The following SDCBP2 variants were observed in gnomAD, a reference collection of about 807,000 sequenced individuals.
SDCBP2 encodes the protein syndecan binding protein 2, also known as syntenin-2.
Under a neutral mutation model 30.7 loss-of-function variants are expected in SDCBP2, and 28 were observed. That is an observed-to-expected ratio of 0.91 (90% CI 0.68 to 1.25). The LOEUF (loss-of-function observed/expected upper bound fraction) is 1.25, where lower values mean the gene tolerates loss of function less well. Ranked by LOEUF, SDCBP2 falls within the 50% of genes most tolerant of loss-of-function variation. The pLI, the probability that SDCBP2 is intolerant of heterozygous loss-of-function variation, is 0.00. For missense variants in SDCBP2, 399 were observed against 379.0 expected, an observed-to-expected ratio of 1.05 and a Z score of -0.44; for synonymous variants, 166 against 157.3, an observed-to-expected ratio of 1.06 and a Z score of -0.41.
rs2088893274 is a variant in SDCBP2 at position 1,324,549 on chromosome 20, C to G, written c.-19-4114G>C. 6.6e-6 allele frequency among the ~76,000 whole-genome samples: 1 copy of G among 152,154 alleles called. No individual in the cohort carries two copies. Among genetic ancestry groups the G allele is most frequent in the African/African-American group, 2.4e-5 (1 of 41,414 alleles). The stretch of plus-strand genomic sequence containing the variant: ...ACTTTCAGATATCCTGCCAAACTTT[C>G]AAGTAAGCCAAAAATCCGTTATAAT... On this transcript the variant is annotated intron_variant, in intron 1 of 8. Coordinates refer to ENST00000360779, the MANE Select transcript of SDCBP2 (RefSeq NM_080489.5). This position sits in a 1 kb window ranked among gnomAD's most constrained non-coding sequence, Gnocchi z 4.7.
chr20:1,314,295 C>G (rs2088735160), intron 4 of SDCBP2, among the ~76,000 whole-genome samples: 1 of 151,780 alleles, frequency 6.6e-6, no homozygotes, highest in Admixed American at 6.6e-5. Flanking sequence ...TCAAGACTAG[C>G]CTGGGCAACT....
Position 1,321,279 on chromosome 20 carries a change from CTG to C in SDCBP2, c.-19-846_-19-845del, listed in dbSNP as rs2088847374. On this transcript the variant is annotated intron_variant, in intron 1 of 8. Transcript: ENST00000360779. This position sits in a 1 kb window ranked among gnomAD's most constrained non-coding sequence, Gnocchi z 5.2. The stretch of plus-strand genomic sequence containing the variant: ...GAATGCCCGCTGGTGGCACAGGAAA[CTG>C]AGGGTCCTGTGCCTGAGCGATGTGA... 6.6e-6 allele frequency: 1 copy of C among 152,246 alleles called. No individual in the cohort carries two copies. Among genetic ancestry groups the C allele is most frequent in the African/African-American group, 2.4e-5 (1 of 41,426 alleles). The allele number at this position is 152,246 out of a possible 1,614,324, so 9.4% of individuals were successfully genotyped here.
intron 1 of SDCBP2, among the ~76,000 whole-genome samples, chr20:1,325,069 T>C (rs1279261851): frequency 6.6e-6 from 1 of 152,190 alleles, no homozygotes; most frequent in Non-Finnish European, 1.5e-5. Flanking sequence ...GTGCCTTCCC[T>C]CTGTCTCAAT....
At position 1,313,715 on chromosome 20, in the gene SDCBP2, A is replaced by G; in HGVS notation, c.226-217T>C. ...GTCCATGCCCTTAAAAAGCCAGGAA[A>G]ACGGGGAGGGAAGGGGCGAGGATAC... On this transcript the variant is annotated intron_variant, in intron 4 of 8. Transcript: ENST00000360779. The surrounding 1 kb of genome is among the most constrained non-coding windows in gnomAD (Gnocchi z 5.2). The G allele has an allele frequency of 7.8e-7, 1 of 1,281,928 alleles. No individual in the cohort carries two copies. The highest frequency in any genetic ancestry group is 1.0e-6 in the Non-Finnish European group (1 of 998,366). 79.4% of individuals were successfully genotyped at this position (1,281,928 alleles called of 1,614,324 possible).
rs1025384045 is a variant in SDCBP2 at position 1,324,787 on chromosome 20, T to C, written c.-20+4298A>G. On this transcript the variant is annotated intron_variant, in intron 1 of 8. Coordinates refer to ENST00000360779, the MANE Select transcript of SDCBP2 (RefSeq NM_080489.5). This position sits in a 1 kb window ranked among gnomAD's most constrained non-coding sequence, Gnocchi z 4.7. ...CTGTCACAGTGACTCCGCGCTTTTATATAAATATATTTAGCCTTTGACTCA... is the reference window on the plus strand; with the variant it reads ...CTGTCACAGTGACTCCGCGCTTTTACATAAATATATTTAGCCTTTGACTCA... Among the ~76,000 whole-genome samples the C allele has an allele frequency of 6.6e-6, 1 of 152,202 alleles. No homozygotes were observed. Among genetic ancestry groups the C allele is most frequent in the African/African-American group, 2.4e-5 (1 of 41,450 alleles).
chr20:1,324,508 G>A lies in SDCBP2; in HGVS notation c.-19-4073C>T, dbSNP rs2088892759. The A allele has an allele frequency of 6.6e-6, 1 of 152,068 alleles. No homozygotes were observed. Among genetic ancestry groups the A allele is most frequent in the Non-Finnish European group, 1.5e-5 (1 of 68,016 alleles). 9.4% of individuals were successfully genotyped at this position (152,068 alleles called of 1,614,324 possible). A position where few individuals can be genotyped will look rare whatever the true frequency, so the allele number is the denominator to read the frequency against. ...GTCCATTACAGTCACCATAACAAAT[G>A]GTCCTGTCCCGCACAACTTTCAGAT... On this transcript the variant is annotated intron_variant, in intron 1 of 8. Transcript: ENST00000360779. The surrounding 1 kb of genome is among the most constrained non-coding windows in gnomAD (Gnocchi z 4.7).
Position 1,312,616 on chromosome 20 carries a change from G to A in SDCBP2, c.531C>T (p.Gly177=), listed in dbSNP as rs751628959. ...CCCGAACCACCACGACAATCTTATC[G>A]CCTGATGCCTTCTTCACCACCTGAT... ...KAHQVVKKAS[G]DKIVVVVRDR... is the part of the protein sequence containing the mutation. Residue 177 remains glycine (G), a synonymous_variant, in exon 6 of 9, where the codon GGC becomes GGT. Coordinates refer to ENST00000360779, the MANE Select transcript of SDCBP2 (RefSeq NM_080489.5). 10 of 1,613,938 alleles carry A rather than the reference G, an allele frequency of 6.2e-6. No individual in the cohort carries two copies. The highest frequency in any genetic ancestry group is 3.3e-5 in the Admixed American group (2 of 60,000).
chr20:1,314,828 AAAC>A (rs2088752124), intron 4 of SDCBP2, among the ~76,000 whole-genome samples: 1 of 152,114 alleles, frequency 6.6e-6, no homozygotes, highest in African/African-American at 2.4e-5. Context: ...CGTATGCTGA[AAAC>A]AACAAAATAC....
In SDCBP2 at chr20:1,310,787, G is replaced by A. The variant is rs751424614; in HGVS notation, c.824+13C>T. Reference sequence around the variant, plus strand: ...GGAGGGGTGAGGAGGGGTGAGGAGGGGTGCAGCCTTACTTTTTGACCATGT... The same window carrying A: ...GGAGGGGTGAGGAGGGGTGAGGAGGAGTGCAGCCTTACTTTTTGACCATGT... On this transcript the variant is annotated intron_variant, in intron 8 of 8. Coordinates refer to ENST00000360779, the MANE Select transcript of SDCBP2 (RefSeq NM_080489.5). 8.1e-6 allele frequency: 13 copies of A among 1,605,584 alleles called. No individual in the cohort carries two copies. The highest frequency in any genetic ancestry group is 1.0e-5 in the Non-Finnish European group (12 of 1,173,384).
chr20:1,318,369 G>A lies in SDCBP2; in HGVS notation c.174C>T (p.Leu58=), dbSNP rs370144625. Residue 58 remains leucine (L), a synonymous_variant, in exon 4 of 9, where the codon CTC becomes CTT. Coordinates refer to ENST00000360779, the MANE Select transcript of SDCBP2 (RefSeq NM_080489.5). ...GGCTCTCCTGGACTTCTTGGCTGGA[G>A]AGGGAAAGACCCATATAATTTTCCA... ...AELENYMGLS[L]SSQEVQESLL... The A allele has an allele frequency of 2.2e-5, 35 of 1,613,364 alleles. No individual in the cohort carries two copies. The Middle Eastern group carries it at 4.9e-4, about 23-fold the overall frequency.
intron 1 of SDCBP2, among the ~76,000 whole-genome samples, chr20:1,327,035 C>T (rs953355718): frequency 1.3e-5 from 2 of 152,166 alleles, no homozygotes; most frequent in Non-Finnish European, 2.9e-5. Flanking sequence ...TGAAAGGCTG[C>T]CTGGCTCCTA....
At chr20:1,316,067 A>G (rs1343969114) in intron 4 of SDCBP2, among the ~76,000 whole-genome samples, 1 of 152,208 alleles carries the variant, frequency 6.6e-6, no homozygotes, top group Non-Finnish European at 1.5e-5. Context: ...GCACCACTGC[A>G]CTGCAGCCTG....
chr20:1,312,034 G>A (rs1001153702), intron 7 of SDCBP2, among the ~76,000 whole-genome samples: 2 of 151,872 alleles, frequency 1.3e-5, no homozygotes, highest in Non-Finnish European at 2.9e-5. Context: ...TGAGTAGCTA[G>A]GACTACAGGT....
intron 1 of SDCBP2, among the ~76,000 whole-genome samples, chr20:1,327,841 T>G (rs1190583136): frequency 6.6e-6 from 1 of 152,274 alleles, no homozygotes; most frequent in African/African-American, 2.4e-5. Context: ...CAGCGCTTAC[T>G]TACTCAGCAC....
rs900571967 is a variant in SDCBP2 at position 1,320,101 on chromosome 20, G to T, written c.54+262C>A. On this transcript the variant is annotated intron_variant, in intron 2 of 8. Coordinates refer to ENST00000360779, the MANE Select transcript of SDCBP2 (RefSeq NM_080489.5). The surrounding 1 kb of genome is among the most constrained non-coding windows in gnomAD (Gnocchi z 4.7). Reference sequence around the variant, plus strand: ...TTAGAGCATGGAGCCCGCCCATCCTGGAGGGAGGGAGAGCTGGGCCTGGGC... The same window carrying T: ...TTAGAGCATGGAGCCCGCCCATCCTTGAGGGAGGGAGAGCTGGGCCTGGGC... Among the ~76,000 whole-genome samples, 6 of 152,224 alleles carry T rather than the reference G, an allele frequency of 3.9e-5. No individual in the cohort carries two copies. The highest frequency in any genetic ancestry group is 1.4e-4 in the African/African-American group (6 of 41,462).
intron 5 of SDCBP2, 25 bp from the exon 6 acceptor site, chr20:1,312,787 C>A: frequency 6.3e-7 from 1 of 1,593,888 alleles, no homozygotes; most frequent in Non-Finnish European, 8.5e-7. Flanking sequence ...GCCCCAGAGT[C>A]AGTGTCCCTG....
In SDCBP2 at chr20:1,318,390, T is replaced by C; in HGVS notation, c.153A>G (p.Glu51=). 6.2e-7 allele frequency: 1 copy of C among 1,605,124 alleles called. No individual in the cohort carries two copies. The highest frequency in any genetic ancestry group is 8.5e-7 in the Non-Finnish European group (1 of 1,175,196). Residue 51 remains glutamate, a synonymous_variant, in exon 4 of 9, where the codon GAA becomes GAG. Coordinates refer to ENST00000360779, the MANE Select transcript of SDCBP2 (RefSeq NM_080489.5). The part of the protein sequence containing the change: ...PVLYPNLAEL[E]NYMGLSLSSQ... ...TGGAGAGGGAAAGACCCATATAATT[T>C]TCCAGTTCTGCCAAGTTTGGGTACA...
In SDCBP2 at chr20:1,312,435, T is replaced by G; in HGVS notation, c.634A>C (p.Ile212Leu). 4 of 1,614,004 alleles carry G rather than the reference T, an allele frequency of 2.5e-6. No homozygotes were observed. Among genetic ancestry groups the G allele is most frequent in the Non-Finnish European group, 3.4e-6 (4 of 1,179,970 alleles). ...HVGFVIKKGK[I>L]VSLVKGSSAA... is the part of the protein sequence containing the mutation. ...GAACTCCCTTTGACCAGAGAGACAA[T>G]CTTCCCCTTCTTGATCACGAAGCCG... Residue 212 changes from isoleucine to leucine, a missense_variant, in exon 7 of 9, where the codon ATT becomes CTT. Coordinates refer to ENST00000360779, the MANE Select transcript of SDCBP2 (RefSeq NM_080489.5).
chr20:1,328,722 C>T (rs1413460060), intron 1 of SDCBP2, among the ~76,000 whole-genome samples: 2 of 152,102 alleles, frequency 1.3e-5, no homozygotes, highest in Non-Finnish European at 2.9e-5. Context: ...GCTGTGGATT[C>T]CTTGGGAGAA....
Sources: gnomAD v4.1 joint callset for allele counts (sites outside exome capture counted in the v4.1 genomes callset) on GRCh38, gnomAD v4.1.1 for gene constraint, Gnocchi (gnomAD v3.1) non-coding constraint, MANE v1.5 for transcripts, NCBI Gene and HGNC (gene_info 2026-07-23, HGNC 2026-07-21) for gene names.